Variants in NPSR1 observed in about 807,000 individuals in gnomAD.
NPSR1 encodes neuropeptide S receptor 1.
NPSR1 carries 48 observed loss-of-function variants against 46.9 expected under a neutral mutation model. The ratio of observed to expected loss-of-function variants is 1.02; its 90% confidence interval spans 0.81 to 1.30. The LOEUF is 1.30. NPSR1 is among the 50% of genes most tolerant of loss of function. The pLI is 0.00. For synonymous variants in NPSR1, 176 were observed against 168.1 expected, an observed-to-expected ratio of 1.05 and a Z score of -0.36; for missense variants, 450 against 449.5, an observed-to-expected ratio of 1.00 and a Z score of -0.01.
At chr7:34,779,524 T>G in intron 3 of NPSR1, 1 of 1,032,070 alleles carries the variant, frequency 9.7e-7, no homozygotes, top group African/African-American at 1.7e-5. Flanking sequence ...ATTTTTTTCA[T>G]TGGTTTTATT....
At chr7:34,703,923 ATTT>A (rs1271639996) in intron 2 of NPSR1, 2 of 151,836 alleles carry the variant, frequency 1.3e-5, no homozygotes, top group African/African-American at 4.8e-5. Context: ...AAGAAAACAT[ATTT>A]TTTGGCGCAC....
chr7:34,749,096 G>A (rs1033223963), intron 2 of NPSR1, among the ~76,000 whole-genome samples: 1 of 151,772 alleles, frequency 6.6e-6, no homozygotes, highest in Admixed American at 6.6e-5. Context: ...CCCCCTGAAT[G>A]GTCTCTTCTC....
chr7:34,689,620 A>AAAAG (rs1554306721), intron 2 of NPSR1, among the ~76,000 whole-genome samples: 7,525 of 126,202 alleles, frequency 0.06, 718 homozygotes, highest in African/African-American at 0.13. Context: ...AAAAAAAAAA[A>AAAAG]AAAAAAAAAA....
At chr7:34,786,471 A>T (rs1020865999) in intron 3 of NPSR1, among the ~76,000 whole-genome samples, 2 of 152,024 alleles carry the variant, frequency 1.3e-5, no homozygotes, top group Non-Finnish European at 2.9e-5. Flanking sequence ...AACCTTCTAC[A>T]CTCCTGTAAA....
intron 2 of NPSR1, among the ~76,000 whole-genome samples, chr7:34,735,244 A>G (rs989039042): frequency 6.6e-6 from 1 of 152,218 alleles, no homozygotes; most frequent in Non-Finnish European, 1.5e-5. Context: ...CATCAGGGTC[A>G]TGCACCTGAG....
Position 34,803,088 on chromosome 7 carries a change from G to C in NPSR1, c.385-8682G>C, listed in dbSNP as rs1294279536. 2.7e-5 allele frequency among the ~76,000 whole-genome samples: 4 copies of C among 150,378 alleles called. No individual in the cohort carries two copies. The East Asian group carries it at 5.8e-4, about 22-fold the overall frequency. On this transcript the variant is annotated intron_variant, in intron 3 of 8. Coordinates refer to ENST00000360581, the MANE Select transcript of NPSR1 (RefSeq NM_207172.2). Reference sequence around the variant, plus strand: ...AACAACAGGTGCTGGAGAGGATGTGGAGAAATAGGAACACTTTTACACTGT... The same window carrying C: ...AACAACAGGTGCTGGAGAGGATGTGCAGAAATAGGAACACTTTTACACTGT...
rs145669831 is a variant in NPSR1 at position 34,673,456 on chromosome 7, T to C, written c.148-11096T>C. ...ACATGTAAGCCAAGGCTCTCTCCTC[T>C]GGATAAATGCCTTTCCCTCTGCCAT... On this transcript the variant is annotated intron_variant, in intron 1 of 8. Transcript: ENST00000360581. Among the ~76,000 whole-genome samples, 430 of 152,292 alleles carry C rather than the reference T, an allele frequency of 2.8e-3. 4 individuals carry two copies. Among genetic ancestry groups the C allele is most frequent in the African/African-American group, 9.9e-3 (412 of 41,556 alleles).
chr7:34,710,203 G>A (rs1412439096), intron 2 of NPSR1, among the ~76,000 whole-genome samples: 3 of 152,072 alleles, frequency 2.0e-5, no homozygotes, highest in African/African-American at 7.2e-5. Flanking sequence ...TATTAGAAAG[G>A]CCACCTTCTG....
intron 2 of NPSR1, among the ~76,000 whole-genome samples, chr7:34,696,975 G>A (rs1793563402): frequency 6.6e-6 from 1 of 151,916 alleles, no homozygotes; most frequent in Non-Finnish European, 1.5e-5. Context: ...TATGCTTCAG[G>A]AGTTTTTAAG....
At chr7:34,789,740 CAAAAAAAAAA>C (rs751424409) in intron 3 of NPSR1, among the ~76,000 whole-genome samples, 14 of 45,348 alleles carry the variant, frequency 3.1e-4, no homozygotes, top group African/African-American at 6.2e-4. Flanking sequence ...TTGCAGTGCG[CAAAAAAAAAA>C]AAAAAAAAAA....
chr7:34,740,282 C>T (rs1449522301), intron 2 of NPSR1, among the ~76,000 whole-genome samples: 1 of 151,906 alleles, frequency 6.6e-6, no homozygotes, highest in Non-Finnish European at 1.5e-5. Context: ...AGTTTGTTTC[C>T]AGGCAGTGGG....
intron 3 of NPSR1, among the ~76,000 whole-genome samples, chr7:34,804,055 A>G (rs1337450254): frequency 6.6e-6 from 1 of 152,046 alleles, no homozygotes; most frequent in Non-Finnish European, 1.5e-5. Flanking sequence ...TCATTAGTGA[A>G]TTCTGTCAAT....
intron 5 of NPSR1, among the ~76,000 whole-genome samples, chr7:34,829,183 C>T (rs1167310854): frequency 6.6e-6 from 1 of 152,098 alleles, no homozygotes; most frequent in Non-Finnish European, 1.5e-5. Context: ...AGAATTAAGA[C>T]TAAAAGAAGT....
At chr7:34,826,462 C>T (rs938288925) in intron 4 of NPSR1, among the ~76,000 whole-genome samples, 1 of 152,116 alleles carries the variant, frequency 6.6e-6, no homozygotes, top group African/African-American at 2.4e-5. Context: ...AAGACACACA[C>T]CTGCTTTCCA....
chr7:34,792,045 C>T (rs1787905524), intron 3 of NPSR1, among the ~76,000 whole-genome samples: 1 of 151,848 alleles, frequency 6.6e-6, no homozygotes, highest in African/African-American at 2.4e-5. Context: ...TTAACTTATA[C>T]AATACAGAAA....
chr7:34,789,489 C>T (rs1297540921), intron 3 of NPSR1, among the ~76,000 whole-genome samples: 1 of 151,716 alleles, frequency 6.6e-6, no homozygotes, highest in Admixed American at 6.6e-5. Context: ...TCATAACAAG[C>T]GACTATGAAA....
At chr7:34,786,881 C>T (rs1457955768) in intron 3 of NPSR1, among the ~76,000 whole-genome samples, 1 of 151,976 alleles carries the variant, frequency 6.6e-6, no homozygotes, top group Non-Finnish European at 1.5e-5. Flanking sequence ...GCCCTTTAGG[C>T]TTTGTTGTTT....
chr7:34,750,981 T>A (rs1427448428), intron 2 of NPSR1: 2 of 767,262 alleles, frequency 2.6e-6, no homozygotes, highest in Non-Finnish European at 4.8e-6. Context: ...TGCATTGCCC[T>A]TGTGGAAGAG....
intron 8 of NPSR1, among the ~76,000 whole-genome samples, chr7:34,866,371 G>T (rs200530909): frequency 0.019 from 2,323 of 121,342 alleles, no homozygotes; most frequent in African/African-American, 0.023. Flanking sequence ...GAAAGGACAA[G>T]GGCACAGTTG....
Sources: gnomAD v4.1 joint callset for allele counts (sites outside exome capture counted in the v4.1 genomes callset) on GRCh38, gnomAD v4.1.1 for gene constraint, MANE v1.5 for transcripts, NCBI Gene and HGNC (gene_info 2026-07-23, HGNC 2026-07-21) for gene names.